The following MAP4K3 variants were observed in gnomAD, a reference collection of about 807,000 sequenced individuals.
MAP4K3 encodes mitogen-activated protein kinase kinase kinase kinase 3, also known as MAPK/ERK kinase kinase kinase 3.
In MAP4K3, 94 loss-of-function variants were observed where a neutral mutation model predicts 143.5. The observed-to-expected ratio is 0.65, with a 90% confidence interval of 0.55 to 0.78. The LOEUF is 0.78. Among genes scored for constraint, MAP4K3 ranks in the 30% least tolerant of loss-of-function variants. The pLI, the probability that MAP4K3 is intolerant of heterozygous loss-of-function variation, is 0.00. For missense variants in MAP4K3, 1,077 were observed against 1,068.1 expected, an observed-to-expected ratio of 1.01 and a Z score of -0.12; for synonymous variants, 416 against 347.2, an observed-to-expected ratio of 1.20 and a Z score of -2.20.
intron 29 of MAP4K3, 52 bp from the exon 30 acceptor site, chr2:39,258,639 CATGGAAA>C: frequency 8.3e-7 from 1 of 1,199,130 alleles, no homozygotes; most frequent in Non-Finnish European, 1.2e-6. Context: ...ATACTTAAAG[CATGGAAA>C]CATTGAAGAA....
At chr2:39,397,638 T>C (rs1351943505) in intron 1 of MAP4K3, among the ~76,000 whole-genome samples, 1 of 151,984 alleles carries the variant, frequency 6.6e-6, no homozygotes, top group Non-Finnish European at 1.5e-5. Flanking sequence ...TATTGAAAAA[T>C]AAACAAGCAG....
At chr2:39,349,417 C>T (rs1450347943) in intron 3 of MAP4K3, among the ~76,000 whole-genome samples, 3 of 152,088 alleles carry the variant, frequency 2.0e-5, no homozygotes, top group African/African-American at 7.2e-5. Context: ...TATAATTATA[C>T]CTAATAATCC....
intron 1 of MAP4K3, among the ~76,000 whole-genome samples, chr2:39,396,334 C>T (rs190207549): frequency 1.1e-4 from 16 of 152,142 alleles, no homozygotes; most frequent in Admixed American, 4.6e-4. Context: ...CCACTGCACC[C>T]GGCCTACAAG....
At chr2:39,295,346 A>T (rs943930902) in intron 16 of MAP4K3, among the ~76,000 whole-genome samples, 2 of 151,798 alleles carry the variant, frequency 1.3e-5, no homozygotes, top group Non-Finnish European at 2.9e-5. Context: ...ATATTATTTT[A>T]AAAATATATT....
At chr2:39,353,175 C>T (rs908890692) in intron 3 of MAP4K3, among the ~76,000 whole-genome samples, 1 of 152,192 alleles carries the variant, frequency 6.6e-6, no homozygotes, top group Non-Finnish European at 1.5e-5. Context: ...TTATACCCCA[C>T]TTCATTTTCT....
At chr2:39,301,539 T>A (rs1361504021) in intron 15 of MAP4K3, among the ~76,000 whole-genome samples, 1 of 152,140 alleles carries the variant, frequency 6.6e-6, no homozygotes, top group African/African-American at 2.4e-5. Context: ...GCCAATACAA[T>A]CTCTTAAGCC....
chr2:39,289,347 C>G (rs1681934242), intron 19 of MAP4K3, among the ~76,000 whole-genome samples: 1 of 151,960 alleles, frequency 6.6e-6, no homozygotes, highest in Non-Finnish European at 1.5e-5. Flanking sequence ...TAGTAATAAA[C>G]CGAATGACAA....
At chr2:39,361,581 G>C (rs1411381424) in intron 2 of MAP4K3, among the ~76,000 whole-genome samples, 1 of 151,404 alleles carries the variant, frequency 6.6e-6, no homozygotes, top group Non-Finnish European at 1.5e-5. Flanking sequence ...TAACATATTA[G>C]AATATGTCAA....
At chr2:39,340,548 G>A (rs775846979) in intron 4 of MAP4K3, among the ~76,000 whole-genome samples, 27 of 152,124 alleles carry the variant, frequency 1.8e-4, no homozygotes, top group South Asian at 1.0e-3. Context: ...GAAATGGAAT[G>A]GTAAGAATCA....
At chr2:39,297,698 G>C (rs1354005708) in intron 16 of MAP4K3, among the ~76,000 whole-genome samples, 1 of 152,126 alleles carries the variant, frequency 6.6e-6, no homozygotes, top group Non-Finnish European at 1.5e-5. Context: ...CTAATCACAA[G>C]AATAAAGCAG....
intron 4 of MAP4K3, among the ~76,000 whole-genome samples, chr2:39,341,017 A>G (rs2148532745): frequency 6.6e-6 from 1 of 152,262 alleles, no homozygotes; most frequent in African/African-American, 2.4e-5. Context: ...TTGAAGACAT[A>G]ATAATTGATA....
intron 24 of MAP4K3, among the ~76,000 whole-genome samples, chr2:39,274,207 TTTTC>T (rs763787709): frequency 2.4e-4 from 37 of 151,826 alleles, no homozygotes; most frequent in Middle Eastern, 3.2e-3. Flanking sequence ...TCATTTTGAA[TTTTC>T]TTTCTCTCTC....
chr2:39,361,901 G>A (rs1665781857), intron 2 of MAP4K3, among the ~76,000 whole-genome samples: 1 of 151,832 alleles, frequency 6.6e-6, no homozygotes, highest in Non-Finnish European at 1.5e-5. Flanking sequence ...GTAGAAGACA[G>A]AAATAAAGAT....
In MAP4K3 at chr2:39,325,881, T is replaced by G. The variant is rs371279877; in HGVS notation, c.725+18A>C. The G allele has an allele frequency of 2.6e-6, 4 of 1,566,212 alleles. No homozygotes were observed. Among genetic ancestry groups the G allele is most frequent in the Non-Finnish European group, 2.6e-6 (3 of 1,146,038 alleles). The stretch of plus-strand genomic sequence containing the variant: ...TTGCTCATCTCACCATAAAAGTAAA[T>G]AACATAAAAATACTTACCATTTCAT... On this transcript the variant is annotated intron_variant, in intron 10 of 33. Coordinates refer to ENST00000263881, the MANE Select transcript of MAP4K3 (RefSeq NM_003618.4).
chr2:39,315,386 A>G lies in MAP4K3; in HGVS notation c.921T>C (p.Pro307=). Residue 307 remains proline, a splice_region_variant and synonymous_variant, in exon 13 of 34, where the codon CCT becomes CCC. Coordinates refer to ENST00000263881, the MANE Select transcript of MAP4K3 (RefSeq NM_003618.4). ...YHDFDDDDPE[P]LVAVPHRIHS... ...GAATTCTATGTGGTACAGCAACAAGAGGCTAGAAAAGAACAAAATCAATGA... is the reference window on the plus strand; with the variant it reads ...GAATTCTATGTGGTACAGCAACAAGGGGCTAGAAAAGAACAAAATCAATGA... 6.2e-7 allele frequency: 1 copy of G among 1,606,754 alleles called. No individual in the cohort carries two copies. Among genetic ancestry groups the G allele is most frequent in the Non-Finnish European group, 8.5e-7 (1 of 1,175,876 alleles).
chr2:39,260,902 GA>G, intron 28 of MAP4K3, 125 bp from the exon 29 acceptor site: 1 of 646,166 alleles, frequency 1.5e-6, no homozygotes, highest in Non-Finnish European at 2.6e-6. Flanking sequence ...AGGTAATGCA[GA>G]AAAATCTAAA....
intron 13 of MAP4K3, among the ~76,000 whole-genome samples, chr2:39,310,686 A>T (rs1286372516): frequency 6.6e-6 from 1 of 152,192 alleles, no homozygotes; most frequent in Non-Finnish European, 1.5e-5. Flanking sequence ...TGGCTGTACT[A>T]ATTTACATTT....
intron 2 of MAP4K3, among the ~76,000 whole-genome samples, chr2:39,368,013 C>G (rs1315449910): frequency 1.3e-5 from 2 of 152,114 alleles, no homozygotes; most frequent in Non-Finnish European, 2.9e-5. Flanking sequence ...GCTTCCTGAC[C>G]TATAAACCTG....
At chr2:39,373,478 T>C (rs1322859707) in intron 2 of MAP4K3, among the ~76,000 whole-genome samples, 1 of 152,156 alleles carries the variant, frequency 6.6e-6, no homozygotes, top group African/African-American at 2.4e-5. Context: ...CAAAGAGAGA[T>C]CTGCACTCCC....
Sources: gnomAD v4.1 joint callset for allele counts (sites outside exome capture counted in the v4.1 genomes callset) on GRCh38, gnomAD v4.1.1 for gene constraint, MANE v1.5 for transcripts, NCBI Gene and HGNC (gene_info 2026-07-23, HGNC 2026-07-21) for gene names.